Variants in TMEM65 observed in about 807,000 individuals in gnomAD.
TMEM65 encodes the protein transmembrane protein 65.
TMEM65 carries 22 observed loss-of-function variants against 25.4 expected under a neutral mutation model. That is an observed-to-expected ratio of 0.86 (90% CI 0.62 to 1.23). The LOEUF is 1.23. Ranked by LOEUF, TMEM65 falls within the 50% of genes most tolerant of loss-of-function variation. The pLI, the probability that TMEM65 is intolerant of heterozygous loss-of-function variation, is 0.00. For synonymous variants in TMEM65, 132 were observed against 126.2 expected (o/e 1.05, Z -0.31); for missense variants, 262 against 308.2 (o/e 0.85, Z 1.12).
At chr8:124,363,815 C>A (rs1488472626) in intron 1 of TMEM65, among the ~76,000 whole-genome samples, 3 of 109,724 alleles carry the variant, frequency 2.7e-5, no homozygotes, top group African/African-American at 1.1e-4. Context: ...CCAGCCAGGG[C>A]GACAGAGCGA....
At chr8:124,369,917 T>G (rs1814990120) in intron 1 of TMEM65, among the ~76,000 whole-genome samples, 1 of 152,142 alleles carries the variant, frequency 6.6e-6, no homozygotes, top group Admixed American at 6.5e-5. Context: ...TAAACTTTGA[T>G]GTTCTTTAGC....
At position 124,372,139 on chromosome 8, in the gene TMEM65, G is replaced by C; in HGVS notation, c.19C>G (p.Leu7Val). The stretch of plus-strand genomic sequence containing the variant: ...CTGCGCGCGGTCCGGCTCCTCAGCA[G>C]CGGCAGCAGCCGGGACATGGCGAGC... The part of the protein sequence containing the change: MSRLLP[L>V]LRSRTARSLR... Residue 7 changes from leucine to valine, a missense_variant, in exon 1 of 7, where the codon CTG (leucine) becomes GTG (valine). By Grantham distance (32) the Leu-to-Val change is conservative. Coordinates refer to ENST00000297632, the MANE Select transcript of TMEM65 (RefSeq NM_194291.3). The C allele has an allele frequency of 5.7e-6, 7 of 1,223,714 alleles. No individual in the cohort carries two copies. Among genetic ancestry groups the C allele is most frequent in the Non-Finnish European group, 6.1e-6 (6 of 976,460 alleles). The allele number at this position is 1,223,714 out of a possible 1,614,324, so 75.8% of individuals were successfully genotyped here.
At chr8:124,356,180 A>G (rs1339540746) in intron 1 of TMEM65, among the ~76,000 whole-genome samples, 1 of 152,168 alleles carries the variant, frequency 6.6e-6, no homozygotes, top group African/African-American at 2.4e-5. Context: ...TTATAACAGC[A>G]TAAGAATGGC....
At chr8:124,331,421 A>ATAAATTAATATATAAG (rs1357228890) in intron 1 of TMEM65, among the ~76,000 whole-genome samples, 1 of 148,452 alleles carries the variant, frequency 6.7e-6, no homozygotes, top group South Asian at 2.1e-4. Flanking sequence ...ATTGATATAT[A>ATAAATTAATATATAAG]ATATAACTGA....
At chr8:124,366,536 T>C (rs1814940089) in intron 1 of TMEM65, among the ~76,000 whole-genome samples, 1 of 152,180 alleles carries the variant, frequency 6.6e-6, no homozygotes, top group East Asian at 1.9e-4. Flanking sequence ...TCCTTTTTTT[T>C]TCAATTTTAT....
intron 6 of TMEM65, among the ~76,000 whole-genome samples, chr8:124,317,956 G>A (rs547306005): frequency 6.0e-4 from 91 of 151,996 alleles, no homozygotes; most frequent in African/African-American, 2.1e-3. Flanking sequence ...AATTTTCTTG[G>A]GCCACACATA....
At chr8:124,371,736 G>C in intron 1 of TMEM65, 118 bp downstream of exon 1, 1 of 1,023,248 alleles carries the variant, frequency 9.8e-7, no homozygotes, top group Non-Finnish European at 1.3e-6. Context: ...GGCGAGGGGG[G>C]CGGAAGGGGG....
intron 1 of TMEM65, among the ~76,000 whole-genome samples, chr8:124,361,392 G>A (rs1391857678): frequency 3.4e-5 from 5 of 147,774 alleles, no homozygotes; most frequent in East Asian, 4.0e-4. Context: ...CCGAGACTGC[G>A]CCATTGCACT....
chr8:124,327,424 GAAAAACATC>G lies in TMEM65; in HGVS notation c.350-12_350-4del. 1 of 1,577,778 alleles carries G rather than the reference GAAAAACATC, an allele frequency of 6.3e-7. No homozygotes were observed. The highest frequency in any genetic ancestry group is 8.6e-7 in the Non-Finnish European group (1 of 1,162,110). On this transcript the variant is annotated splice_region_variant and splice_polypyrimidine_tract_variant and intron_variant, in intron 2 of 6. Transcript: ENST00000297632. ...AGGTATCGCATTGTGGATGAATACT[GAAAAACATC>G]AAAAACAGAAAAATATATTTTAAGA...
rs75670727 is a variant in TMEM65, at chr8:124,336,087, T to C, written c.305-5295A>G. On this transcript the variant is annotated intron_variant, in intron 1 of 6. Transcript: ENST00000297632. ...GGAGCTTTATTAATATCAGATGAGG[T>C]AGACTTAAAGACAAAGAGTATTACC... 9.4e-3 allele frequency among the ~76,000 whole-genome samples: 1,435 copies of C among 151,924 alleles called. 20 individuals carry two copies. Among genetic ancestry groups the C allele is most frequent in the African/African-American group, 0.032 (1,323 of 41,486 alleles).
intron 1 of TMEM65, among the ~76,000 whole-genome samples, chr8:124,359,958 G>A (rs934115704): frequency 2.6e-5 from 4 of 152,232 alleles, no homozygotes; most frequent in South Asian, 2.1e-4. Flanking sequence ...TAGGCGCAGA[G>A]AACGCTTTCT....
chr8:124,319,672 C>A (rs1214815418), intron 6 of TMEM65, among the ~76,000 whole-genome samples: 1 of 152,014 alleles, frequency 6.6e-6, no homozygotes, highest in Non-Finnish European at 1.5e-5. Flanking sequence ...AGTTACTCCC[C>A]ACAGTGTTAA....
In TMEM65 at chr8:124,317,091, GTGA is replaced by G. The variant is rs1167768604; in HGVS notation, c.621+2992_621+2994del. 1.3e-5 allele frequency among the ~76,000 whole-genome samples: 2 copies of G among 152,096 alleles called. 1 individual carries two copies. Among genetic ancestry groups the G allele is most frequent in the Non-Finnish European group, 2.9e-5 (2 of 68,004 alleles). On this transcript the variant is annotated intron_variant, in intron 6 of 6. Coordinates refer to ENST00000297632, the MANE Select transcript of TMEM65 (RefSeq NM_194291.3). ...GATTTAAAGTGATTTAAAGTGATTA[GTGA>G]TGAATTTAACTCTATATTACCTATG...
At chr8:124,327,244 T>C (rs1268964025) in intron 3 of TMEM65, 110 bp downstream of exon 3, 1 of 705,666 alleles carries the variant, frequency 1.4e-6, no homozygotes, top group East Asian at 2.9e-5. Context: ...AAAATATCCT[T>C]GTTCATTATG....
intron 6 of TMEM65, among the ~76,000 whole-genome samples, chr8:124,318,813 C>T (rs773205765): frequency 4.7e-4 from 71 of 152,174 alleles, no homozygotes; most frequent in Non-Finnish European, 7.6e-4. Context: ...ATCTCATCTT[C>T]TCCCATGGTT....
chr8:124,341,550 C>T (rs1331277912), intron 1 of TMEM65, among the ~76,000 whole-genome samples: 2 of 151,996 alleles, frequency 1.3e-5, no homozygotes, highest in East Asian at 3.8e-4. Flanking sequence ...GAAACAGATT[C>T]TGTGTTTTAC....
At chr8:124,333,283 T>C (rs1199066033) in intron 1 of TMEM65, among the ~76,000 whole-genome samples, 1 of 152,066 alleles carries the variant, frequency 6.6e-6, no homozygotes, top group Non-Finnish European at 1.5e-5. Context: ...ATAACATCCC[T>C]GAAAATAGTC....
intron 1 of TMEM65, among the ~76,000 whole-genome samples, chr8:124,357,753 G>GGCA (rs931210299): frequency 6.6e-5 from 10 of 151,748 alleles, no homozygotes; most frequent in Non-Finnish European, 1.3e-4. Flanking sequence ...TCCAGAGAGG[G>GGCA]GCAGTAAGTA....
chr8:124,339,833 T>C (rs1377794266), intron 1 of TMEM65, among the ~76,000 whole-genome samples: 1 of 151,396 alleles, frequency 6.6e-6, no homozygotes, highest in African/African-American at 2.4e-5. Context: ...AGAGAAAAAT[T>C]ACAGGCCCAG....
Sources: allele counts gnomAD v4.1 joint callset (sites outside exome capture counted in the v4.1 genomes callset), GRCh38; gene constraint gnomAD v4.1.1; transcripts MANE v1.5; gene names NCBI Gene and HGNC (gene_info 2026-07-23, HGNC 2026-07-21).